The following PLCXD2 variants were observed in gnomAD, a reference collection of about 807,000 sequenced individuals.
PLCXD2 encodes the protein phosphatidylinositol specific phospholipase C X domain containing 2.
Under a neutral mutation model 28.6 loss-of-function variants are expected in PLCXD2, and 21 were observed. The observed-to-expected ratio is 0.73, with a 90% CI of 0.52 to 1.06. The LOEUF (loss-of-function observed/expected upper bound fraction) is 1.06, where lower values mean the gene tolerates loss of function less well. Ranked by LOEUF, PLCXD2 falls within the 50% of genes least tolerant of loss-of-function variation. The pLI is 0.00. For synonymous variants in PLCXD2, 140 were observed against 150.1 expected (o/e 0.93, Z 0.49); for missense variants, 369 against 376.7 (o/e 0.98, Z 0.17).
At chr3:111,690,581 G>T (rs947972401) in intron 1 of PLCXD2, among the ~76,000 whole-genome samples, 3 of 152,194 alleles carry the variant, frequency 2.0e-5, no homozygotes, top group Admixed American at 2.0e-4. Flanking sequence ...GTCTTCAAGG[G>T]TGGGGTGTGT....
At chr3:111,718,422 G>A (rs1165969942) in intron 3 of PLCXD2, among the ~76,000 whole-genome samples, 1 of 151,954 alleles carries the variant, frequency 6.6e-6, no homozygotes, top group East Asian at 1.9e-4. Context: ...CCAAGATCGC[G>A]CCTCTGCACT....
intron 1 of PLCXD2, among the ~76,000 whole-genome samples, chr3:111,686,122 G>A (rs2107842925): frequency 6.6e-6 from 1 of 152,324 alleles, no homozygotes; most frequent in African/African-American, 2.4e-5. Context: ...AGGTCTGGTT[G>A]CATTTGTTTC....
At chr3:111,707,811 G>A in intron 1 of PLCXD2, 115 bp from the exon 2 acceptor site, 1 of 976,918 alleles carries the variant, frequency 1.0e-6, no homozygotes, top group Non-Finnish European at 1.5e-6. Flanking sequence ...TTCATTTGCA[G>A]TTTTAGTATG....
At chr3:111,715,326 A>T (rs1212411394) in intron 3 of PLCXD2, among the ~76,000 whole-genome samples, 1 of 152,206 alleles carries the variant, frequency 6.6e-6, no homozygotes, top group African/African-American at 2.4e-5. Flanking sequence ...TGCCTCTGGT[A>T]TATTTGTAGA....
rs574663490 is a variant in PLCXD2 at position 111,696,783 on chromosome 3, T to C, written c.164-11143T>C. 1.6e-3 allele frequency among the ~76,000 whole-genome samples: 243 copies of C among 152,326 alleles called. 2 individuals are homozygous for C. The Middle Eastern group carries it at 0.024, about 15-fold the overall frequency. ...GATCTTAGTTTTGATAGAAATAATA[T>C]GATTTAGGTCTTGATAAAAATTTGG... On this transcript the variant is annotated intron_variant, in intron 1 of 4. Transcript: ENST00000477665.
intron 2 of PLCXD2, among the ~76,000 whole-genome samples, chr3:111,712,357 C>G (rs1276986324): frequency 6.6e-6 from 1 of 152,196 alleles, no homozygotes; most frequent in East Asian, 1.9e-4. Flanking sequence ...TGCACCGCCT[C>G]CCACCTCTCC....
chr3:111,714,127 A>G lies in PLCXD2; in HGVS notation c.865A>G (p.Ser289Gly), dbSNP rs1449381627. The G allele has an allele frequency of 6.2e-7, 1 of 1,612,938 alleles. No individual in the cohort carries two copies. The highest frequency in any genetic ancestry group is 2.2e-5 in the East Asian group (1 of 44,862). The change falls in exon 3 of 5, where the codon AGC (serine) becomes GGC (glycine). Residue 289 changes from serine (S) to glycine (G), a missense_variant and splice_region_variant. Coordinates refer to ENST00000477665, the MANE Select transcript of PLCXD2 (RefSeq NM_001185106.1). ...GGGCCTCAAGAACACGCTGGTTCAT[A>G]GGTAAGAATTTGCTTCCACCCCACA...
chr3:111,714,643 C>G (rs1941244230), intron 3 of PLCXD2, among the ~76,000 whole-genome samples: 1 of 152,186 alleles, frequency 6.6e-6, no homozygotes, highest in Admixed American at 6.5e-5. Context: ...AGAATTGAGC[C>G]TGGTTGTACA....
At chr3:111,726,076 G>C (rs1941411625) in intron 3 of PLCXD2, 1 of 389,972 alleles carries the variant, frequency 2.6e-6, no homozygotes, top group Non-Finnish European at 4.5e-6. Context: ...CCCAGAACTT[G>C]GGACCAATAC....
intron 1 of PLCXD2, among the ~76,000 whole-genome samples, chr3:111,684,326 C>G (rs1940761286): frequency 8.3e-6 from 1 of 120,484 alleles, no homozygotes. Flanking sequence ...GAGACTCCAT[C>G]TAAAAAAAAA....
chr3:111,684,513 G>A (rs1940764796), intron 1 of PLCXD2, among the ~76,000 whole-genome samples: 1 of 151,892 alleles, frequency 6.6e-6, no homozygotes, highest in Non-Finnish European at 1.5e-5. Flanking sequence ...AATTAGCCAG[G>A]CATGATGGCG....
chr3:111,677,940 A>G (rs995636274), intron 1 of PLCXD2, among the ~76,000 whole-genome samples: 11 of 152,194 alleles, frequency 7.2e-5, no homozygotes, highest in African/African-American at 2.4e-4. Flanking sequence ...GAAACCCAGT[A>G]AGTTTTAAAT....
At chr3:111,721,086 T>G in intron 3 of PLCXD2, 1 of 340,128 alleles carries the variant, frequency 2.9e-6, no homozygotes, top group Non-Finnish European at 5.3e-6. Flanking sequence ...TTTTAAAACT[T>G]AAGTCCAAGG....
chr3:111,718,527 AGATAGATTGATT>A (rs1177781532), intron 3 of PLCXD2, among the ~76,000 whole-genome samples: 24 of 128,414 alleles, frequency 1.9e-4, no homozygotes, highest in Non-Finnish European at 2.9e-4. Flanking sequence ...ATAGATAGAT[AGATAGATTGATT>A]GATTTATGAT....
chr3:111,675,472 G>C, intron 1 of PLCXD2, 64 bp downstream of exon 1: 1 of 1,585,164 alleles, frequency 6.3e-7, no homozygotes, highest in Non-Finnish European at 8.7e-7. Context: ...TTGTTAAGGG[G>C]TTGGGTTGCT....
chr3:111,714,739 A>T (rs1478242895), intron 3 of PLCXD2, among the ~76,000 whole-genome samples: 1 of 152,164 alleles, frequency 6.6e-6, no homozygotes, highest in Non-Finnish European at 1.5e-5. Flanking sequence ...TCTCAAGAAA[A>T]AGGATGGTTT....
At chr3:111,702,021 A>G (rs991632586) in intron 1 of PLCXD2, among the ~76,000 whole-genome samples, 1 of 152,212 alleles carries the variant, frequency 6.6e-6, no homozygotes, top group Admixed American at 6.6e-5. Flanking sequence ...GCAACTTACA[A>G]GAGTCTGGGC....
In PLCXD2 at chr3:111,701,202, C is replaced by T. The variant is rs918316495; in HGVS notation, c.164-6724C>T. On this transcript the variant is annotated intron_variant, in intron 1 of 4. Coordinates refer to ENST00000477665, the MANE Select transcript of PLCXD2 (RefSeq NM_001185106.1). ...TTACAGTTCAGCACTTACTAAGTGT[C>T]AGTATTGTTCAAAGCACTTTGCTTA... Among the ~76,000 whole-genome samples the T allele has an allele frequency of 6.6e-5, 10 of 152,284 alleles. No individual in the cohort carries two copies. The South Asian group carries it at 1.9e-3, about 28-fold the overall frequency.
intron 1 of PLCXD2, among the ~76,000 whole-genome samples, chr3:111,679,083 A>T (rs1281958576): frequency 1.6e-5 from 2 of 125,788 alleles, no homozygotes; most frequent in African/African-American, 2.5e-5. Context: ...TAGTTTTTTT[A>T]AAAAGAACTA....
Sources: gnomAD v4.1 joint callset for allele counts (sites outside exome capture counted in the v4.1 genomes callset) on GRCh38, gnomAD v4.1.1 for gene constraint, MANE v1.5 for transcripts, NCBI Gene and HGNC (gene_info 2026-07-23, HGNC 2026-07-21) for gene names.